The following PTPRC variants were observed in gnomAD, a reference collection of about 807,000 sequenced individuals.
PTPRC encodes receptor-type tyrosine-protein phosphatase C.
A neutral mutation model predicts 155.9 loss-of-function variants in PTPRC; 44 were observed. The observed-to-expected ratio is 0.28, with a 90% confidence interval of 0.22 to 0.36. PTPRC has a LOEUF of 0.36. Among genes scored for constraint, PTPRC ranks in the 10% least tolerant of loss-of-function variants. PTPRC has a pLI of 1.00. For synonymous variants in PTPRC, 525 were observed against 533.1 expected (o/e 0.98, Z 0.21); for missense variants, 1,401 against 1,564.6 (o/e 0.90, Z 1.76).
intron 2 of PTPRC, among the ~76,000 whole-genome samples, chr1:198,652,382 C>T (rs764108119): frequency 1.3e-5 from 2 of 151,752 alleles, no homozygotes; most frequent in African/African-American, 4.8e-5. Flanking sequence ...AGCAGATAAT[C>T]GTGCATGTAG....
chr1:198,657,641 T>G (rs1345850952), intron 2 of PTPRC: 3 of 152,182 alleles, frequency 2.0e-5, no homozygotes, highest in East Asian at 3.9e-4. Flanking sequence ...AGAAAACTTT[T>G]GCTCTTTTCT....
At chr1:198,752,117 A>G (rs935847904) in intron 29 of PTPRC, 132 bp from the exon 30 acceptor site, 9 of 1,104,138 alleles carry the variant, frequency 8.2e-6, no homozygotes, top group Non-Finnish European at 1.2e-5. Flanking sequence ...GTAGGTTTCA[A>G]TTTTAGAACA....
rs188822695 is a variant in PTPRC at position 198,716,992 on chromosome 1, A to G, written c.1450+152A>G. 4.0e-4 allele frequency: 282 copies of G among 706,278 alleles called. 1 individual carries two copies. In the Middle Eastern group the frequency reaches 5.6e-3, roughly 14 times the overall value. The allele number at this position is 706,278 out of a possible 1,614,324, so 43.8% of individuals were successfully genotyped here. ...GGCTTATAAACACGTAAAATCTAAA[A>G]GTTTAAAAACCGTTATCCTGGATTC... On this transcript the variant is annotated intron_variant, in intron 13 of 32. Coordinates refer to ENST00000442510, the MANE Select transcript of PTPRC (RefSeq NM_002838.5).
intron 25 of PTPRC, 96 bp from the exon 26 acceptor site, chr1:198,743,958 T>C (rs1655025720): frequency 8.1e-7 from 1 of 1,231,938 alleles, no homozygotes; most frequent in Non-Finnish European, 1.2e-6. Context: ...TGTTCCAATA[T>C]GAGCAAATTT....
intron 2 of PTPRC, among the ~76,000 whole-genome samples, chr1:198,656,653 GTT>G (rs67367377): frequency 0.11 from 15,883 of 141,686 alleles, 1,355 homozygotes; most frequent in African/African-American, 0.23. Flanking sequence ...TTTGTTTTTT[GTT>G]TTTTTTTTTT....
intron 15 of PTPRC, among the ~76,000 whole-genome samples, chr1:198,727,887 A>T (rs1654211127): frequency 6.6e-6 from 1 of 152,112 alleles, no homozygotes; most frequent in Non-Finnish European, 1.5e-5. Context: ...TGAACAGGTA[A>T]GAGGGTTTAT....
chr1:198,656,757 G>A (rs1174798494), intron 2 of PTPRC, among the ~76,000 whole-genome samples: 1 of 151,608 alleles, frequency 6.6e-6, no homozygotes, highest in African/African-American at 2.4e-5. Flanking sequence ...GGGGGAGCGG[G>A]TGAACAAGGA....
chr1:198,729,357 C>T (rs1654286558), intron 17 of PTPRC, among the ~76,000 whole-genome samples, 186 bp downstream of exon 17: 3 of 152,024 alleles, frequency 2.0e-5, no homozygotes, highest in Non-Finnish European at 4.4e-5. Context: ...TCTCATGTGC[C>T]TCAGCTTCCC....
chr1:198,756,151 T>C lies in PTPRC; in HGVS notation c.3891T>C (p.Pro1297=). The C allele has an allele frequency of 1.2e-6, 2 of 1,613,332 alleles. No individual in the cohort carries two copies. The highest frequency in any genetic ancestry group is 1.7e-6 in the Non-Finnish European group (2 of 1,179,604). Residue 1297 remains proline (P), a synonymous_variant, in exon 33 of 33, where the codon CCT becomes CCC. Coordinates refer to ENST00000442510, the MANE Select transcript of PTPRC (RefSeq NM_002838.5). ...TEGPEHSVNG[P]ASPALNQGS ...GGCCAGAACATTCTGTCAATGGTCC[T>C]GCAAGTCCAGCTTTAAATCAAGGTT...
chr1:198,666,871 T>C (rs1664341323), intron 2 of PTPRC: 1 of 152,200 alleles, frequency 6.6e-6, no homozygotes, highest in Admixed American at 6.5e-5. Flanking sequence ...CAGCTTTGTA[T>C]TCAGCTATCA....
At chr1:198,647,263 TC>T (rs990642030) in intron 2 of PTPRC, among the ~76,000 whole-genome samples, 3 of 151,906 alleles carry the variant, frequency 2.0e-5, no homozygotes, top group African/African-American at 7.2e-5. Flanking sequence ...CTTGGAGTTC[TC>T]TTTACCAGGC....
intron 26 of PTPRC, 127 bp from the exon 27 acceptor site, chr1:198,747,982 C>T: frequency 7.2e-7 from 1 of 1,389,996 alleles, no homozygotes; most frequent in African/African-American, 1.5e-5. Context: ...AAAATTATGG[C>T]CTATAGGGAG....
In PTPRC at chr1:198,754,283, A is replaced by G; in HGVS notation, c.3524A>G (p.Gln1175Arg). 1 of 1,611,018 alleles carries G rather than the reference A, an allele frequency of 6.2e-7. No homozygotes were observed. The highest frequency in any genetic ancestry group is 1.1e-5 in the South Asian group (1 of 91,026). ...LLIHCRDGSQ[Q>R]TGIFCALLNL... is the part of the protein sequence containing the mutation. The stretch of plus-strand genomic sequence containing the variant: ...TTCTTTTATAGGGATGGATCTCAGC[A>G]AACGGGAATATTTTGTGCTTTGTTA... The change falls in exon 32 of 33, where the codon CAA becomes CGA. Residue 1175 changes from glutamine (Q) to arginine (R), a missense_variant. Physicochemically the swap from Gln to Arg is conservative, Grantham distance 43. Transcript: ENST00000442510.
intron 14 of PTPRC, among the ~76,000 whole-genome samples, chr1:198,719,352 C>T (rs1418538309): frequency 2.0e-5 from 3 of 151,946 alleles, no homozygotes; most frequent in South Asian, 2.1e-4. Context: ...CAGTTTTCTC[C>T]GGAGAAATGC....
At chr1:198,729,251 A>C in intron 17 of PTPRC, 80 bp downstream of exon 17, 1 of 1,398,970 alleles carries the variant, frequency 7.1e-7, no homozygotes, top group Admixed American at 2.4e-5. Flanking sequence ...ATTTATTTAT[A>C]TTTATTTTAA....
chr1:198,694,720 C>T (rs928826149), intron 3 of PTPRC: 2 of 969,358 alleles, frequency 2.1e-6, no homozygotes, highest in Non-Finnish European at 2.5e-6. Context: ...TCCTTCCTTC[C>T]TCCCTCCCTT....
chr1:198,718,399 T>C, intron 14 of PTPRC, 97 bp downstream of exon 14: 2 of 1,039,550 alleles, frequency 1.9e-6, no homozygotes, highest in South Asian at 1.4e-5. Flanking sequence ...TCACATGAGA[T>C]TGAGAAGCTC....
chr1:198,715,247 C>G (rs1305832535), intron 12 of PTPRC, among the ~76,000 whole-genome samples: 1 of 152,036 alleles, frequency 6.6e-6, no homozygotes, highest in Non-Finnish European at 1.5e-5. Context: ...CTCAGCCTCC[C>G]TAGTAGCTGG....
At chr1:198,714,281 G>A (rs1017404724) in intron 12 of PTPRC, among the ~76,000 whole-genome samples, 1 of 151,688 alleles carries the variant, frequency 6.6e-6, no homozygotes, top group Non-Finnish European at 1.5e-5. Context: ...GAGTATTGTC[G>A]ATGTCAGAGT....
Sources: gnomAD v4.1 joint callset for allele counts (sites outside exome capture counted in the v4.1 genomes callset) on GRCh38, gnomAD v4.1.1 for gene constraint, MANE v1.5 for transcripts, NCBI Gene and HGNC (gene_info 2026-07-23, HGNC 2026-07-21) for gene names.